Variants in ZNF438 observed in about 807,000 individuals in gnomAD.
ZNF438 encodes zinc finger protein 438.
A neutral mutation model predicts 38.0 loss-of-function variants in ZNF438; 25 were observed. That is an observed-to-expected ratio of 0.66 (90% confidence interval 0.48 to 0.92). ZNF438 has a LOEUF of 0.92. Among genes scored for constraint, ZNF438 ranks in the 40% least tolerant of loss-of-function variants. The pLI is 0.00. For synonymous variants in ZNF438, 372 were observed against 364.1 expected (o/e 1.02, Z -0.25); for missense variants, 1,007 against 999.6 (o/e 1.01, Z -0.10).
At chr10:30,932,159 G>C (rs758661838) in intron 2 of ZNF438, among the ~76,000 whole-genome samples, 1 of 152,060 alleles carries the variant, frequency 6.6e-6, no homozygotes. Context: ...GCATATAGGG[G>C]CCAGGCAGGT....
At position 30,845,043 on chromosome 10, in the gene ZNF438, TCA is replaced by T. The variant is rs2031562578; in HGVS notation, c.2403_2404del (p.Cys801Ter). On this transcript the variant is annotated stop_gained and frameshift_variant, in exon 6 of 6. Transcript: ENST00000413025. LOFTEE classifies it low-confidence loss of function (END_TRUNC). ...AATAGCCCACAGTTTGGAAGGGTCCTCACAGTTATGCTGGTGCTTCCAGTGGT... is the reference window on the plus strand; with the variant it reads ...AATAGCCCACAGTTTGGAAGGGTCCTCAGTTATGCTGGTGCTTCCAGTGGT... 1 of 1,614,096 alleles carries T rather than the reference TCA, an allele frequency of 6.2e-7. No individual in the cohort carries two copies. Among genetic ancestry groups the T allele is most frequent in the South Asian group, 1.1e-5 (1 of 91,088 alleles).
At chr10:30,955,495 A>G (rs143684495) in intron 1 of ZNF438, among the ~76,000 whole-genome samples, 4 of 152,352 alleles carry the variant, frequency 2.6e-5, no homozygotes, top group East Asian at 3.9e-4. Flanking sequence ...AATTCTCTCT[A>G]GAAGCCGGAA....
At chr10:30,904,016 T>TAA (rs71527619) in intron 3 of ZNF438, among the ~76,000 whole-genome samples, 57,217 of 142,754 alleles carry the variant, frequency 0.4, 12,149 homozygotes, top group Non-Finnish European at 0.47. Context: ...ATGCCACAGT[T>TAA]AAAAAAAAAA....
chr10:30,974,882 C>T (rs2136292027), intron 1 of ZNF438, among the ~76,000 whole-genome samples: 1 of 152,140 alleles, frequency 6.6e-6, no homozygotes, highest in Admixed American at 6.5e-5. Context: ...GAACAGAGAA[C>T]CAAAATTAGA....
intron 4 of ZNF438, among the ~76,000 whole-genome samples, chr10:30,872,289 G>A (rs1312119875): frequency 3.3e-5 from 5 of 151,842 alleles, no homozygotes; most frequent in African/African-American, 9.7e-5. Flanking sequence ...AGCCACGTGT[G>A]GTGGTGCGCT....
chr10:30,862,074 A>G (rs1442890492), intron 4 of ZNF438, among the ~76,000 whole-genome samples: 1 of 152,182 alleles, frequency 6.6e-6, no homozygotes, highest in Non-Finnish European at 1.5e-5. Flanking sequence ...TGACAACTGA[A>G]CTCCAACATG....
At chr10:30,846,925 G>A (rs993272870) in intron 5 of ZNF438, among the ~76,000 whole-genome samples, 1 of 152,206 alleles carries the variant, frequency 6.6e-6, no homozygotes, top group African/African-American at 2.4e-5. Flanking sequence ...AACCTGGTTG[G>A]GTGTGCACAC....
chr10:30,909,208 A>T (rs2042856160), intron 2 of ZNF438, among the ~76,000 whole-genome samples, 193 bp from the exon 4 acceptor site: 1 of 152,158 alleles, frequency 6.6e-6, no homozygotes, highest in Non-Finnish European at 1.5e-5. Flanking sequence ...AAGTACTAAG[A>T]TTTTTTTAAA....
intron 1 of ZNF438, among the ~76,000 whole-genome samples, chr10:30,951,091 A>C (rs1292973387): frequency 6.9e-6 from 1 of 145,006 alleles, no homozygotes; most frequent in Non-Finnish European, 1.5e-5. Flanking sequence ...AGGCTGGTTC[A>C]ATATACGCAA....
intron 3 of ZNF438, among the ~76,000 whole-genome samples, chr10:30,889,707 C>A (rs1038625774): frequency 6.6e-6 from 1 of 152,118 alleles, no homozygotes; most frequent in Non-Finnish European, 1.5e-5. Context: ...TGTCCGGCAT[C>A]AACACATATT....
At chr10:30,916,129 T>C (rs2043604077) in intron 2 of ZNF438, among the ~76,000 whole-genome samples, 1 of 151,984 alleles carries the variant, frequency 6.6e-6, no homozygotes. Flanking sequence ...GTTCTTCTAA[T>C]TCGCTTTTAA....
At chr10:30,972,079 C>A (rs927076248) in intron 1 of ZNF438, among the ~76,000 whole-genome samples, 14 of 151,944 alleles carry the variant, frequency 9.2e-5, no homozygotes, top group Non-Finnish European at 1.8e-4. Flanking sequence ...ACGCCATTGT[C>A]CTGCTTCAGT....
intron 3 of ZNF438, among the ~76,000 whole-genome samples, chr10:30,892,045 A>G (rs1218707066): frequency 3.3e-5 from 5 of 152,214 alleles, no homozygotes; most frequent in African/African-American, 1.2e-4. Context: ...ACACTTCCAT[A>G]ATATAGACAT....
chr10:30,927,271 TG>T (rs139428194), intron 2 of ZNF438, among the ~76,000 whole-genome samples: 5,478 of 152,282 alleles, frequency 0.036, 329 homozygotes, highest in African/African-American at 0.12. Flanking sequence ...AGCCTTTGAC[TG>T]TTTGACCCTT....
intron 3 of ZNF438, among the ~76,000 whole-genome samples, chr10:30,896,011 A>T (rs2041280575): frequency 6.6e-6 from 1 of 152,144 alleles, no homozygotes; most frequent in South Asian, 2.1e-4. Context: ...GAATGTCAAA[A>T]AGAACTGAGG....
intron 1 of ZNF438, among the ~76,000 whole-genome samples, chr10:30,953,026 G>C (rs1174634886): frequency 2.8e-5 from 3 of 107,278 alleles, no homozygotes; most frequent in African/African-American, 7.1e-5. Flanking sequence ...TGATAGACTG[G>C]ATTAAGAAAA....
chr10:30,874,867 T>C (rs555727341), intron 4 of ZNF438, among the ~76,000 whole-genome samples: 2 of 151,684 alleles, frequency 1.3e-5, no homozygotes, highest in Non-Finnish European at 2.9e-5. Context: ...ATAAATTTTA[T>C]GATAGATCTG....
Position 30,955,141 on chromosome 10 carries a change from T to C in ZNF438, c.-191-13490A>G, listed in dbSNP as rs145018803. Among the ~76,000 whole-genome samples the C allele has an allele frequency of 2.1e-3, 321 of 152,318 alleles. 1 individual carries two copies. Among genetic ancestry groups the C allele is most frequent in the African/African-American group, 7.0e-3 (289 of 41,578 alleles). ...CTTCAGCTACACCTGAGAAGATTCCTGAACAGTGTACTTGTTGTAAATAAC... is the reference window on the plus strand; with the variant it reads ...CTTCAGCTACACCTGAGAAGATTCCCGAACAGTGTACTTGTTGTAAATAAC... On this transcript the variant is annotated intron_variant, in intron 1 of 5. Coordinates refer to ENST00000413025, the Ensembl canonical transcript of ZNF438.
chr10:30,927,507 C>A (rs188010447), intron 2 of ZNF438, among the ~76,000 whole-genome samples: 1 of 152,338 alleles, frequency 6.6e-6, no homozygotes, highest in East Asian at 1.9e-4. Flanking sequence ...CATTTCCCAC[C>A]CTAGCTAAAG....
Sources: allele counts gnomAD v4.1 joint callset (sites outside exome capture counted in the v4.1 genomes callset), GRCh38; gene constraint gnomAD v4.1.1; transcripts MANE v1.5; gene names NCBI Gene and HGNC (gene_info 2026-07-23, HGNC 2026-07-21).